Variants in PUDP observed in about 807,000 individuals in gnomAD.
PUDP encodes pseudouridine 5'-phosphatase.
A neutral mutation model predicts 9.4 loss-of-function variants in PUDP; 8 were observed. The ratio of observed to expected loss-of-function variants is 0.85; its 90% CI spans 0.50 to 1.53. The LOEUF (loss-of-function observed/expected upper bound fraction) is 1.53, where lower values mean the gene tolerates loss of function less well. PUDP is among the 40% of genes most tolerant of loss of function. The probability of loss-of-function intolerance (pLI) is 0.00; values close to 1 mark genes in which losing one functional copy is unlikely to be tolerated. For missense variants in PUDP, 188 were observed against 189.7 expected (o/e 0.99, Z 0.05); for synonymous variants, 99 against 80.7 (o/e 1.23, Z -1.22).
chrX:7,031,156 C>A (rs761187101), intron 1 of PUDP, among the ~76,000 whole-genome samples: 22 of 111,182 alleles, frequency 2.0e-4, no homozygotes, highest in African/African-American at 6.9e-4. Flanking sequence ...TTCTGTGCAA[C>A]CTGTTTTATC....
At chrX:7,082,557 G>C (rs1254197024) in intron 2 of PUDP, among the ~76,000 whole-genome samples, 1 of 112,183 alleles carries the variant, frequency 8.9e-6, no homozygotes, top group Admixed American at 9.4e-5. Flanking sequence ...CCATGTCCTG[G>C]GCCTCAGTCT....
At chrX:6,943,024 C>T (rs150256789) in intron 3 of PUDP, among the ~76,000 whole-genome samples, 1 of 112,203 alleles carries the variant, frequency 8.9e-6, no homozygotes, top group African/African-American at 3.2e-5. Context: ...GCTTCAGCAG[C>T]CAAATGAAAC....
intron 3 of PUDP, among the ~76,000 whole-genome samples, chrX:6,941,770 T>C (rs779008587): frequency 8.9e-6 from 1 of 112,296 alleles, no homozygotes; most frequent in Non-Finnish European, 1.9e-5. Flanking sequence ...GTTTGATATA[T>C]GTATACATTG....
At chrX:6,760,065 A>G (rs745713289) in intron 3 of PUDP, among the ~76,000 whole-genome samples, 1 of 111,766 alleles carries the variant, frequency 8.9e-6, no homozygotes, top group East Asian at 2.8e-4. Context: ...TTTAATGTGA[A>G]TTACTGGAGG....
chrX:6,738,108 A>G (rs917431905), intron 3 of PUDP, among the ~76,000 whole-genome samples: 46 of 111,645 alleles, frequency 4.1e-4, no homozygotes, highest in African/African-American at 1.4e-3. Context: ...ATGCAGGTGC[A>G]GGCAGTGCTT....
intron 1 of PUDP, among the ~76,000 whole-genome samples, chrX:7,041,978 G>A (rs1929928819): frequency 9.3e-6 from 1 of 107,782 alleles, no homozygotes; most frequent in African/African-American, 3.4e-5. Flanking sequence ...GTAGGGGTGT[G>A]AGCCCTTCTG....
chrX:7,110,763 TG>T (rs63164361), intron 1 of PUDP, among the ~76,000 whole-genome samples: 2 of 106,422 alleles, frequency 1.9e-5, no homozygotes, highest in South Asian at 4.3e-4. Flanking sequence ...CGGGCAGGGG[TG>T]GGGGTCACAA....
intron 3 of PUDP, among the ~76,000 whole-genome samples, chrX:6,808,423 C>G (rs1467102562): frequency 1.8e-5 from 2 of 111,880 alleles, no homozygotes; most frequent in African/African-American, 6.5e-5. Flanking sequence ...TTAGAGCCTG[C>G]AGGAATGTAA....
At chrX:7,080,544 C>T (rs1602758432) in intron 2 of PUDP, among the ~76,000 whole-genome samples, 1 of 111,951 alleles carries the variant, frequency 8.9e-6, no homozygotes, top group African/African-American at 3.2e-5. Flanking sequence ...CATACACATA[C>T]CTCCACGCAT....
At chrX:7,011,322 C>T (rs1486099376) in intron 1 of PUDP, among the ~76,000 whole-genome samples, 1 of 111,747 alleles carries the variant, frequency 8.9e-6, no homozygotes, top group Non-Finnish European at 1.9e-5. Flanking sequence ...AAGTAGCCCA[C>T]TTGGTTCTGG....
intron 3 of PUDP, among the ~76,000 whole-genome samples, chrX:6,802,008 C>T (rs111245191): frequency 1.2e-3 from 136 of 111,609 alleles, no homozygotes; most frequent in African/African-American, 4.3e-3. Flanking sequence ...TTCCTGAGTT[C>T]CTATGATGAG....
At chrX:6,903,960 T>TTA (rs1927730587) in intron 3 of PUDP, among the ~76,000 whole-genome samples, 1 of 106,450 alleles carries the variant, frequency 9.4e-6, no homozygotes, top group African/African-American at 3.4e-5. Flanking sequence ...ATATTTATTT[T>TTA]TTTTTTTTTG....
intron 1 of PUDP, among the ~76,000 whole-genome samples, chrX:7,006,837 A>G (rs1929410055): frequency 9.0e-6 from 1 of 111,605 alleles, no homozygotes; most frequent in Admixed American, 9.5e-5. Context: ...GAGACTTTCC[A>G]CTGGAAAAAG....
In PUDP at chrX:6,946,152, G is replaced by A. The variant is rs762612058; in HGVS notation, c.*247+30981C>T. Among the ~76,000 whole-genome samples the A allele has an allele frequency of 9.0e-5, 10 of 111,504 alleles. No individual in the cohort carries two copies. In the East Asian group the frequency reaches 2.8e-3, roughly 32 times the overall value. On this transcript the variant is annotated intron_variant and NMD_transcript_variant, in intron 3 of 3. Coordinates refer to the PUDP transcript ENST00000655425. Reference sequence around the variant, plus strand: ...GTTCTGGCTCGTCTATGGAGAATGTGCAATGAGGGTGTTAGTGTCTTCTGC... The same window carrying A: ...GTTCTGGCTCGTCTATGGAGAATGTACAATGAGGGTGTTAGTGTCTTCTGC...
At chrX:6,903,535 A>C (rs1167548293) in intron 3 of PUDP, among the ~76,000 whole-genome samples, 2 of 111,827 alleles carry the variant, frequency 1.8e-5, no homozygotes, top group Non-Finnish European at 3.8e-5. Context: ...TCACAGAACC[A>C]ACATAGTGTC....
At chrX:6,794,726 AT>A (rs1230067001) in intron 3 of PUDP, among the ~76,000 whole-genome samples, 1 of 108,550 alleles carries the variant, frequency 9.2e-6, no homozygotes, top group Non-Finnish European at 1.9e-5. Flanking sequence ...TATCCACCTA[AT>A]TTTTGTGTTT....
intron 3 of PUDP, among the ~76,000 whole-genome samples, chrX:6,828,147 A>G (rs956774855): frequency 1.8e-5 from 2 of 111,803 alleles, no homozygotes; most frequent in African/African-American, 6.5e-5. Flanking sequence ...TCATAAATAC[A>G]TATTCGTGTA....
At chrX:6,782,474 G>A (rs1196555186) in intron 3 of PUDP, among the ~76,000 whole-genome samples, 2 of 111,724 alleles carry the variant, frequency 1.8e-5, no homozygotes, top group East Asian at 5.6e-4. Flanking sequence ...GGAGGCTGAG[G>A]CAGGAGAATC....
At chrX:6,751,469 A>G (rs749984012) in intron 3 of PUDP, among the ~76,000 whole-genome samples, 2 of 111,886 alleles carry the variant, frequency 1.8e-5, no homozygotes, top group Non-Finnish European at 3.8e-5. Context: ...TCTATGTTCT[A>G]TGAATTTATT....
Sources: gnomAD v4.1 joint callset for allele counts (sites outside exome capture counted in the v4.1 genomes callset) on GRCh38, gnomAD v4.1.1 for gene constraint, MANE v1.5 for transcripts, NCBI Gene and HGNC (gene_info 2026-07-23, HGNC 2026-07-21) for gene names.